ACYP2: variants seen among roughly 807,000 people sequenced by gnomAD.
The protein encoded by ACYP2 is acylphosphatase-2.
Under a neutral mutation model 11.2 loss-of-function variants are expected in ACYP2, and 12 were observed. That is an observed-to-expected ratio of 1.08 (90% confidence interval 0.69 to 1.74). The LOEUF (loss-of-function observed/expected upper bound fraction) is 1.74. Ranked by LOEUF, ACYP2 falls within the 40% of genes most tolerant of loss-of-function variation. The pLI, the probability that ACYP2 is intolerant of heterozygous loss-of-function variation, is 0.00. For synonymous variants in ACYP2, 43 were observed against 32.2 expected (o/e 1.33, Z -1.13); for missense variants, 134 against 101.9 (o/e 1.31, Z -1.35).
intron 4 of ACYP2, among the ~76,000 whole-genome samples, chr2:54,077,526 G>A (rs565218352): frequency 6.6e-6 from 1 of 152,344 alleles, no homozygotes; most frequent in Admixed American, 6.5e-5. Flanking sequence ...GAGGTGGGAA[G>A]ATAATTATCA....
intron 2 of ACYP2, among the ~76,000 whole-genome samples, chr2:54,017,158 G>A (rs1001648014): frequency 2.6e-5 from 4 of 152,100 alleles, no homozygotes; most frequent in African/African-American, 9.7e-5. Context: ...AAGCCCTTCT[G>A]TAAGGGCCCT....
chr2:54,165,108 T>G (rs1682894087), intron 6 of ACYP2, among the ~76,000 whole-genome samples: 1 of 152,204 alleles, frequency 6.6e-6, no homozygotes, highest in African/African-American at 2.4e-5. Flanking sequence ...ATCCAGTCTC[T>G]TATTGATGGG....
At chr2:54,285,131 A>G (rs1306559733) in intron 6 of ACYP2, among the ~76,000 whole-genome samples, 1 of 152,154 alleles carries the variant, frequency 6.6e-6, no homozygotes, top group African/African-American at 2.4e-5. Flanking sequence ...AGGGGCTGAC[A>G]AGCTCCCTTG....
chr2:54,173,073 C>T (rs1190958135), intron 6 of ACYP2, among the ~76,000 whole-genome samples: 1 of 152,134 alleles, frequency 6.6e-6, no homozygotes, highest in South Asian at 2.1e-4. Context: ...GTAATGGGAT[C>T]GTTATGTCAA....
At chr2:54,175,655 C>T (rs947509862) in intron 6 of ACYP2, among the ~76,000 whole-genome samples, 15 of 151,968 alleles carry the variant, frequency 9.9e-5, no homozygotes, top group Non-Finnish European at 2.1e-4. Flanking sequence ...CATGAGCCAC[C>T]GTGCCTGGCC....
intron 5 of ACYP2, among the ~76,000 whole-genome samples, chr2:54,138,041 G>C (rs1400959319): frequency 2.0e-5 from 3 of 152,124 alleles, no homozygotes; most frequent in Non-Finnish European, 4.4e-5. Flanking sequence ...TGGTGATATT[G>C]AGCATTTTTT....
chr2:54,119,961 C>G (rs1680049090), intron 4 of ACYP2, among the ~76,000 whole-genome samples: 2 of 152,258 alleles, frequency 1.3e-5, no homozygotes, highest in South Asian at 4.1e-4. Context: ...AGAATGCTCC[C>G]CAATTGGGAT....
At chr2:54,082,045 A>G (rs943330047) in intron 4 of ACYP2, among the ~76,000 whole-genome samples, 9 of 152,224 alleles carry the variant, frequency 5.9e-5, no homozygotes, top group African/African-American at 2.2e-4. Context: ...CAAGAGATTT[A>G]CAAACCCCCT....
At chr2:54,259,213 G>A (rs976685216) in intron 6 of ACYP2, among the ~76,000 whole-genome samples, 1 of 152,210 alleles carries the variant, frequency 6.6e-6, no homozygotes, top group Non-Finnish European at 1.5e-5. Context: ...AATCAGAGTT[G>A]TCTCTCTTTT....
chr2:54,073,626 A>G (rs1193401656), intron 4 of ACYP2, among the ~76,000 whole-genome samples: 2 of 152,234 alleles, frequency 1.3e-5, no homozygotes, highest in African/African-American at 4.8e-5. Flanking sequence ...AAATTTTTGC[A>G]AACCTTATAT....
chr2:54,150,250 T>G (rs1682091473), intron 6 of ACYP2, among the ~76,000 whole-genome samples: 1 of 152,182 alleles, frequency 6.6e-6, no homozygotes, highest in South Asian at 2.1e-4. Context: ...CTGGATGGCC[T>G]CAAAGCCTGA....
At chr2:54,111,182 C>T (rs777653183) in intron 4 of ACYP2, among the ~76,000 whole-genome samples, 1 of 152,082 alleles carries the variant, frequency 6.6e-6, no homozygotes, top group African/African-American at 2.4e-5. Flanking sequence ...ACTGGCATAG[C>T]CTAACAAGGG....
At chr2:53,975,359 G>C in intron 2 of ACYP2, 1 of 398,120 alleles carries the variant, frequency 2.5e-6, no homozygotes, top group East Asian at 3.6e-5. Flanking sequence ...TCTAAATAAA[G>C]TTTCATGGAG....
chr2:54,101,054 C>T (rs188887398), intron 4 of ACYP2, among the ~76,000 whole-genome samples: 9 of 152,266 alleles, frequency 5.9e-5, no homozygotes, highest in African/African-American at 2.2e-4. Flanking sequence ...CCACTAGTTG[C>T]CCCCATAGTG....
rs546773259 is a variant in ACYP2 at position 54,199,613 on chromosome 2, T to A, written c.404+60865T>A. On this transcript the variant is annotated intron_variant, in intron 6 of 6. Transcript: ENST00000607452. Reference sequence around the variant, plus strand: ...AAGACTTGTTGTGGATTGGATCTGCTTTTGGATAGGGACAGAAGAGAAATC... The same window carrying A: ...AAGACTTGTTGTGGATTGGATCTGCATTTGGATAGGGACAGAAGAGAAATC... Among the ~76,000 whole-genome samples, 8 of 152,358 alleles carry A rather than the reference T, an allele frequency of 5.3e-5. No homozygotes were observed. The South Asian group carries it at 1.7e-3, about 32-fold the overall frequency.
chr2:54,170,144 C>T (rs990038437), intron 6 of ACYP2, among the ~76,000 whole-genome samples: 6 of 152,142 alleles, frequency 3.9e-5, no homozygotes, highest in Non-Finnish European at 7.4e-5. Context: ...AATCTGGCTC[C>T]AGTTGTTCAT....
chr2:54,006,839 A>C (rs902640246), intron 2 of ACYP2, among the ~76,000 whole-genome samples: 1 of 151,798 alleles, frequency 6.6e-6, no homozygotes, highest in African/African-American at 2.4e-5. Context: ...AACTGCCTAC[A>C]TTTGGCTGGG....
At position 54,232,948 on chromosome 2, in the gene ACYP2, A is replaced by C. The variant is rs536385584; in HGVS notation, c.405-71740A>C. 2.0e-5 allele frequency among the ~76,000 whole-genome samples: 3 copies of C among 152,320 alleles called. 1 individual carries two copies. The highest frequency in any genetic ancestry group is 7.2e-5 in the African/African-American group (3 of 41,578). On this transcript the variant is annotated intron_variant, in intron 6 of 6. Transcript: ENST00000607452. ...GGACACACAGCCAAGCCCTATCAGA[A>C]TGGTTACAACATTTCACTTTTAATT...
chr2:54,083,959 AC>A (rs1677806888), intron 4 of ACYP2, among the ~76,000 whole-genome samples: 1 of 152,230 alleles, frequency 6.6e-6, no homozygotes, highest in East Asian at 1.9e-4. Flanking sequence ...GAATATTTAA[AC>A]AGAACAAGAA....
Sources: allele counts gnomAD v4.1 joint callset (sites outside exome capture counted in the v4.1 genomes callset), GRCh38; gene constraint gnomAD v4.1.1; transcripts MANE v1.5; gene names NCBI Gene and HGNC (gene_info 2026-07-23, HGNC 2026-07-21).